DENND2B: variants seen among roughly 807,000 people sequenced by gnomAD.
The protein encoded by DENND2B is DENN domain-containing protein 2B.
Under a neutral mutation model 116.0 loss-of-function variants are expected in DENND2B, and 32 were observed. The observed-to-expected ratio is 0.28, with a 90% CI of 0.21 to 0.37. DENND2B has a LOEUF of 0.37. Ranked by LOEUF, DENND2B falls within the 10% of genes least tolerant of loss-of-function variation. The pLI, the probability that DENND2B is intolerant of heterozygous loss-of-function variation, is 1.00. For synonymous variants in DENND2B, 588 were observed against 583.9 expected (o/e 1.01, Z -0.10); for missense variants, 1,276 against 1,477.7 (o/e 0.86, Z 2.24).
chr11:8,717,945 G>T, intron 4 of DENND2B, 53 bp from the exon 5 acceptor site: 1 of 1,577,248 alleles, frequency 6.3e-7, no homozygotes, highest in South Asian at 1.1e-5. Context: ...GGAAACACAC[G>T]AACTCACACA....
At chr11:8,850,001 G>A (rs2062951230) in intron 3 of DENND2B, among the ~76,000 whole-genome samples, 1 of 151,612 alleles carries the variant, frequency 6.6e-6, no homozygotes, top group Non-Finnish European at 1.5e-5. Flanking sequence ...CAGGTGTGGT[G>A]GTACATGCCC....
intron 4 of DENND2B, among the ~76,000 whole-genome samples, chr11:8,818,266 T>C (rs1157213594): frequency 6.8e-6 from 1 of 148,016 alleles, no homozygotes; most frequent in African/African-American, 2.5e-5. Flanking sequence ...CTGTCTCTAA[T>C]AATAATAATA....
Position 8,697,535 on chromosome 11 carries a change from G to C in DENND2B, c.3042C>G (p.Asp1014Glu). ...NELISQDSDSDSDDECNTLNG... is the reference protein window; with the variant it reads ...NELISQDSDSESDDECNTLNG... ...GGGCACTATTCTCACCATCGTCGGA[G>C]TCGCTGTCAGAGTCCTGGGAGATCA... is the stretch of plus-strand genomic sequence containing the variant. The change falls in exon 17 of 20, where the codon GAC (aspartate) becomes GAG (glutamate). Residue 1014 changes from aspartate (D) to glutamate (E), a missense_variant. Transcript: ENST00000313726. The C allele has an allele frequency of 6.2e-7, 1 of 1,613,916 alleles. No homozygotes were observed. Among genetic ancestry groups the C allele is most frequent in the Non-Finnish European group, 8.5e-7 (1 of 1,179,734 alleles).
chr11:8,859,896 T>C (rs1210519078), intron 2 of DENND2B, among the ~76,000 whole-genome samples: 2 of 152,138 alleles, frequency 1.3e-5, no homozygotes, highest in African/African-American at 2.4e-5. Context: ...TCTTCTTTCC[T>C]GGAAATTTCT....
In DENND2B at chr11:8,730,388, G is replaced by C. The variant is rs945811704; in HGVS notation, c.902C>G (p.Pro301Arg). ...GCTGTAGCAGCTGCTGGGGAGCTGG[G>C]GGAGCCCCCGGCCCGGCTGCTCCTT... ...VLKEQPGRGL[P>R]QLPSSCYSVD... Residue 301 changes from proline (P) to arginine (R), a missense_variant, in exon 3 of 20, where the codon CCC (proline) becomes CGC (arginine). By Grantham distance (103) the Pro-to-Arg change is moderately radical. Around this residue, in one of 2 missense-constraint regions of DENND2B, gnomAD observed 856 missense variants for 846.6 expected, o/e 1.01. Transcript: ENST00000313726. This position sits in a 1 kb window ranked among gnomAD's most constrained non-coding sequence, Gnocchi z 4.1. 2 of 1,605,180 alleles carry C rather than the reference G, an allele frequency of 1.2e-6. No individual in the cohort carries two copies. The highest frequency in any genetic ancestry group is 2.7e-5 in the African/African-American group (2 of 74,914).
chr11:8,743,856 C>T (rs998575558), intron 2 of DENND2B, among the ~76,000 whole-genome samples: 1 of 151,870 alleles, frequency 6.6e-6, no homozygotes, highest in African/African-American at 2.4e-5. Flanking sequence ...AAGCGATCCT[C>T]CCACCTCAGC....
At chr11:8,874,557 A>C (rs974634415), upstream of DENND2B, among the ~76,000 whole-genome samples, 2 of 152,148 alleles carry the variant, frequency 1.3e-5, no homozygotes, top group African/African-American at 4.8e-5. Context: ...TCAGGTTTGC[A>C]GGTCTAGCAC....
rs184716091 is a variant in DENND2B at position 8,888,203 on chromosome 11, C to T, written c.-255-7094G>A. Among the ~76,000 whole-genome samples the T allele has an allele frequency of 7.9e-5, 12 of 152,248 alleles. No homozygotes were observed. In the East Asian group the frequency reaches 1.5e-3, roughly 20 times the overall value. ...CAATTTCGGCTCTTAGTGTAGTGGA[C>T]GCTACCCATGACCACCCCCATGGCA... On this transcript the variant is annotated intron_variant, in intron 1 of 22. Transcript: ENST00000534127.
intron 1 of DENND2B, among the ~76,000 whole-genome samples, chr11:8,903,434 T>C (rs2064195350): frequency 7.3e-6 from 1 of 137,356 alleles, no homozygotes; most frequent in Non-Finnish European, 1.6e-5. Flanking sequence ...AAAAAGGATA[T>C]TACAAGTTGA....
chr11:8,718,122 C>T (rs1435965334), intron 4 of DENND2B: 129 of 337,528 alleles, frequency 3.8e-4, no homozygotes, highest in Non-Finnish European at 6.1e-4. Context: ...CAACCCCCCA[C>T]CCCCAGCCCA....
intron 2 of DENND2B, among the ~76,000 whole-genome samples, chr11:8,731,733 T>G (rs887454697): frequency 6.6e-6 from 1 of 152,176 alleles, no homozygotes; most frequent in Non-Finnish European, 1.5e-5. Flanking sequence ...CAAACAAGTC[T>G]GAACAACCGG....
intron 2 of DENND2B, among the ~76,000 whole-genome samples, chr11:8,860,143 T>C (rs1409456797): frequency 1.3e-5 from 2 of 152,160 alleles, no homozygotes; most frequent in Non-Finnish European, 1.5e-5. Flanking sequence ...TGCCTTCAAC[T>C]AGTTACTATG....
intron 3 of DENND2B, among the ~76,000 whole-genome samples, chr11:8,855,759 A>C (rs570380020): frequency 6.6e-6 from 1 of 152,182 alleles, no homozygotes; most frequent in South Asian, 2.1e-4. Flanking sequence ...AATACAAAGG[A>C]GCTAATTTTC....
chr11:8,797,819 C>T (rs2059966539), intron 1 of DENND2B, among the ~76,000 whole-genome samples: 1 of 152,070 alleles, frequency 6.6e-6, no homozygotes, highest in Non-Finnish European at 1.5e-5. Context: ...AATTTCCATA[C>T]CTTATCCCAA....
intron 1 of DENND2B, among the ~76,000 whole-genome samples, chr11:8,759,941 G>A (rs534113398): frequency 5.0e-4 from 76 of 152,232 alleles, no homozygotes; most frequent in Non-Finnish European, 7.5e-4. Flanking sequence ...ATCCTTCTCC[G>A]CATGGGACTT....
At chr11:8,844,399 C>T (rs1223647918) in intron 3 of DENND2B, among the ~76,000 whole-genome samples, 1 of 151,368 alleles carries the variant, frequency 6.6e-6, no homozygotes, top group Non-Finnish European at 1.5e-5. Flanking sequence ...AACTCTGTCT[C>T]GACAAAAATG....
At chr11:8,782,530 G>A (rs2058472229) in intron 1 of DENND2B, among the ~76,000 whole-genome samples, 1 of 152,154 alleles carries the variant, frequency 6.6e-6, no homozygotes, top group Non-Finnish European at 1.5e-5. Flanking sequence ...AAATTTGGAT[G>A]ATGGGTACAT....
Position 8,712,298 on chromosome 11 carries a change from A to G in DENND2B, c.2172+253T>C, listed in dbSNP as rs766249428. Among the ~76,000 whole-genome samples, 123 of 152,220 alleles carry G rather than the reference A, an allele frequency of 8.1e-4. 2 individuals carry two copies. The highest frequency in any genetic ancestry group is 1.9e-4 in the Non-Finnish European group (13 of 68,042). On this transcript the variant is annotated intron_variant, in intron 9 of 19. Coordinates refer to ENST00000313726, the MANE Select transcript of DENND2B (RefSeq NM_213618.2). The surrounding 1 kb of genome is among the most constrained non-coding windows in gnomAD (Gnocchi z 4.4). ...AAGTGGGTGAACTGTATGGTATTCA[A>G]TTGTTCTGGATTTTATTATAAGCAC...
At chr11:8,708,404 G>A in intron 11 of DENND2B, 12 of 896,992 alleles carry the variant, frequency 1.3e-5, no homozygotes, top group Non-Finnish European at 1.6e-5. Flanking sequence ...CCTGACTCCT[G>A]GGCTTGGGAC....
Sources: gnomAD v4.1 joint callset for allele counts (sites outside exome capture counted in the v4.1 genomes callset) on GRCh38, gnomAD v4.1.1 for gene constraint, gnomAD v4.1.1 regional missense constraint, Gnocchi (gnomAD v3.1) non-coding constraint, MANE v1.5 for transcripts, NCBI Gene and HGNC (gene_info 2026-07-23, HGNC 2026-07-21) for gene names.